STX2: variants seen among roughly 807,000 people sequenced by gnomAD.
STX2 encodes the protein syntaxin 2.
In STX2, 27 loss-of-function variants were observed where a neutral mutation model predicts 40.6. The observed-to-expected ratio is 0.66, with a 90% CI of 0.49 to 0.92. The LOEUF (loss-of-function observed/expected upper bound fraction) is 0.92, where lower values mean the gene tolerates loss of function less well. STX2 is among the 40% of genes least tolerant of loss of function. The pLI is 0.00. For missense variants in STX2, 328 were observed against 366.1 expected (o/e 0.90, Z 0.85); for synonymous variants, 123 against 119.1 (o/e 1.03, Z -0.22).
rs181122149 is a variant in STX2, at chr12:130,817,931, G to A, written c.205+3758C>T. On this transcript the variant is annotated intron_variant, in intron 3 of 10. Transcript: ENST00000392373. ...GAACCGCAAGGGCAGGAAGGCCTCG[G>A]GTGGGGTGGTCCCAGCCTGTGGTGG... 2.0e-3 allele frequency among the ~76,000 whole-genome samples: 299 copies of A among 151,910 alleles called. 1 individual carries two copies. Among genetic ancestry groups the A allele is most frequent in the African/African-American group, 7.1e-3 (293 of 41,386 alleles).
rs774009780 is a variant in STX2, at chr12:130,807,000, G to A, written c.445C>T (p.Gln149Ter). Residue 149 changes from glutamine to a stop codon, truncating the protein, a stop_gained, in exon 6 of 11, where the codon CAG (glutamine) becomes TAG (stop). Coordinates refer to ENST00000392373, the MANE Select transcript of STX2 (RefSeq NM_194356.4). LOFTEE classifies it high-confidence loss of function. ...TACTCACTTATCTCCAGCTGGCGCTGGATGCGGCCTTTGCTCCGCTCCCGA... is the reference window on the plus strand; with the variant it reads ...TACTCACTTATCTCCAGCTGGCGCTAGATGCGGCCTTTGCTCCGCTCCCGA... ...LFRERSKGRI[Q>*]RQLEITGRTT... is the part of the protein sequence containing the mutation. 3.1e-6 allele frequency: 5 copies of A among 1,614,072 alleles called. No homozygotes were observed. The Admixed American group carries it at 8.3e-5, about 27-fold the overall frequency.
rs1170698161 is a variant in STX2, at chr12:130,808,534, A to G, written c.354+97T>C. On this transcript the variant is annotated intron_variant, in intron 5 of 10. Coordinates refer to ENST00000392373, the MANE Select transcript of STX2 (RefSeq NM_194356.4). ...GTGCAGAAATACTATGAGGATAAGC[A>G]TGACAGTAAAGATGAAATTATTCAG... The G allele has an allele frequency of 8.5e-6, 9 of 1,052,840 alleles. No homozygotes were observed. In the Admixed American group the frequency reaches 1.5e-4, roughly 18 times the overall value. The allele number at this position is 1,052,840 out of a possible 1,614,324, so 65.2% of individuals were successfully genotyped here. A position where few individuals can be genotyped will look rare whatever the true frequency, so the allele number is the denominator to read the frequency against.
chr12:130,814,306 G>A (rs10773824), intron 3 of STX2, among the ~76,000 whole-genome samples: 85,924 of 152,022 alleles, frequency 0.57, 26,574 homozygotes, highest in East Asian at 0.87. Context: ...GCCACGCAGA[G>A]ACTAACAACG....
chr12:130,814,871 G>A (rs1322397381), intron 3 of STX2, among the ~76,000 whole-genome samples: 3 of 151,916 alleles, frequency 2.0e-5, no homozygotes, highest in Non-Finnish European at 4.4e-5. Context: ...TCCTGACCTC[G>A]AGATCCGCCC....
At chr12:130,826,293 C>T (rs1952302106) in intron 2 of STX2, among the ~76,000 whole-genome samples, 1 of 152,194 alleles carries the variant, frequency 6.6e-6, no homozygotes, top group Non-Finnish European at 1.5e-5. Flanking sequence ...CTGCCGGAAC[C>T]ACCACTTCCT....
rs1952351999 is a variant in STX2, at chr12:130,827,173, G to C, written c.105+20C>G. The C allele has an allele frequency of 6.2e-7, 1 of 1,605,840 alleles. No individual in the cohort carries two copies. On this transcript the variant is annotated intron_variant, in intron 2 of 10. Coordinates refer to ENST00000392373, the MANE Select transcript of STX2 (RefSeq NM_194356.4). Reference sequence around the variant, plus strand: ...GGACAGGTAGGCAGGCTATGATTGGGTTTCATTAAACGCTCTTACCTGATG... The same window carrying C: ...GGACAGGTAGGCAGGCTATGATTGGCTTTCATTAAACGCTCTTACCTGATG...
chr12:130,798,414 A>G lies in STX2; in HGVS notation c.786+111T>C. 7 of 587,024 alleles carry G rather than the reference A, an allele frequency of 1.2e-5. No individual in the cohort carries two copies. The South Asian group carries it at 2.4e-4, about 20-fold the overall frequency. The allele number at this position is 587,024 out of a possible 1,614,324, so 36.4% of individuals were successfully genotyped here. On this transcript the variant is annotated intron_variant, in intron 9 of 10. Coordinates refer to ENST00000392373, the MANE Select transcript of STX2 (RefSeq NM_194356.4). ...ATTTCCATTTTAAAATAAAACATTTATTAATTAATTATTTCTTGGAATACC... is the reference window on the plus strand; with the variant it reads ...ATTTCCATTTTAAAATAAAACATTTGTTAATTAATTATTTCTTGGAATACC...
intron 1 of STX2, among the ~76,000 whole-genome samples, chr12:130,836,185 T>C (rs563834756): frequency 6.6e-6 from 1 of 152,278 alleles, no homozygotes; most frequent in East Asian, 1.9e-4. Flanking sequence ...ATCTGGTAAC[T>C]TTAAGATGGG....
chr12:130,818,301 G>A (rs1024688719), intron 3 of STX2, among the ~76,000 whole-genome samples: 2 of 148,480 alleles, frequency 1.3e-5, no homozygotes, highest in Non-Finnish European at 3.0e-5. Context: ...AGCCCAGGAG[G>A]CTGAGCCTGC....
rs137928907 is a variant in STX2 at position 130,827,204 on chromosome 12, A to C, written c.94T>G (p.Phe32Val). 0.023 allele frequency: 37,144 copies of C among 1,613,208 alleles called. 558 individuals are homozygous for C. The highest frequency in any genetic ancestry group is 0.029 in the Non-Finnish European group (34,421 of 1,179,398). Reference sequence around the variant, plus strand: ...TTAAACGCTCTTACCTGATGGAAGAAATCATCCATGAAATGATCTTTCTCA... The same window carrying C: ...TTAAACGCTCTTACCTGATGGAAGACATCATCCATGAAATGATCTTTCTCA... ...VVEKDHFMDD[F>V]FHQVEEIRNS... Residue 32 changes from phenylalanine to valine, a missense_variant, in exon 2 of 11, where the codon TTC (phenylalanine) becomes GTC (valine). Phe to Val is a conservative substitution (Grantham distance 50). Coordinates refer to ENST00000392373, the MANE Select transcript of STX2 (RefSeq NM_194356.4).
intron 4 of STX2, 45 bp downstream of exon 4, chr12:130,812,912 C>T: frequency 1.6e-6 from 2 of 1,269,970 alleles, no homozygotes; most frequent in Non-Finnish European, 1.1e-6. Flanking sequence ...TAACAAATAC[C>T]CATACTCCCA....
intron 1 of STX2, among the ~76,000 whole-genome samples, chr12:130,834,868 ATCT>A (rs368072148): frequency 2.6e-4 from 39 of 152,346 alleles, no homozygotes; most frequent in Non-Finnish European, 4.0e-4. Flanking sequence ...AAGTTTTTTA[ATCT>A]TCTTATTTTA....
At chr12:130,832,676 G>C (rs923679115) in intron 1 of STX2, among the ~76,000 whole-genome samples, 1 of 152,172 alleles carries the variant, frequency 6.6e-6, no homozygotes, top group Non-Finnish European at 1.5e-5. Context: ...TGGGGGCGGG[G>C]GCAGCCCCTT....
chr12:130,839,167 G>GTT lies in STX2; in HGVS notation c.-69_-68insAA. 8.8e-7 allele frequency: 1 copy of GTT among 1,138,526 alleles called. No homozygotes were observed. The allele number at this position is 1,138,526 out of a possible 1,614,324, so 70.5% of individuals were successfully genotyped here. On this transcript the variant is annotated 5_prime_UTR_variant, in exon 1 of 11. Transcript: ENST00000392373. ...CGAGCTGCCTCCGGCCGGGCCTCGG[G>GTT]CTCTCCGGTCTCCGCCTCAGGCCCC...
Position 130,811,284 on chromosome 12 carries a change from G to C in STX2, c.280+1673C>G, listed in dbSNP as rs1265435352. ...GAGGCAGGAGAGTCGCTTGAGTCCA[G>C]GAGGTGGAGGTTGCAGTGAGCCGAG... On this transcript the variant is annotated intron_variant, in intron 4 of 10. Coordinates refer to ENST00000392373, the MANE Select transcript of STX2 (RefSeq NM_194356.4). Among the ~76,000 whole-genome samples the C allele has an allele frequency of 3.3e-5, 5 of 149,340 alleles. No homozygotes were observed. The East Asian group carries it at 1.0e-3, about 31-fold the overall frequency.
intron 3 of STX2, among the ~76,000 whole-genome samples, chr12:130,815,755 AG>A (rs1400781252): frequency 2.0e-5 from 3 of 152,172 alleles, no homozygotes; most frequent in African/African-American, 2.4e-5. Flanking sequence ...ACTTGTTTGT[AG>A]GGGGGCAAGC....
Position 130,792,200 on chromosome 12 carries a change from A to C in STX2, c.*46-223T>G, listed in dbSNP as rs192404218. Among the ~76,000 whole-genome samples, 621 of 152,206 alleles carry C rather than the reference A, an allele frequency of 4.1e-3. 4 individuals carry two copies. Among genetic ancestry groups the C allele is most frequent in the Non-Finnish European group, 6.0e-3 (405 of 67,996 alleles). Reference sequence around the variant, plus strand: ...CTCAGCCTCCCGAGTAGCTGGGACTACAGGAACCCGCCACCACGCCCAGCT... The same window carrying C: ...CTCAGCCTCCCGAGTAGCTGGGACTCCAGGAACCCGCCACCACGCCCAGCT... On this transcript the variant is annotated intron_variant, in intron 10 of 10. Coordinates refer to ENST00000392373, the MANE Select transcript of STX2 (RefSeq NM_194356.4).
chr12:130,825,527 G>A (rs1404640524), intron 2 of STX2, among the ~76,000 whole-genome samples: 1 of 152,220 alleles, frequency 6.6e-6, no homozygotes, highest in South Asian at 2.1e-4. Context: ...TTTCCAAGAA[G>A]TGAAATCAGG....
At chr12:130,818,185 A>AATATATATATATATATAT (rs1168152790) in intron 3 of STX2, among the ~76,000 whole-genome samples, 77 of 70,496 alleles carry the variant, frequency 1.1e-3, no homozygotes, top group African/African-American at 3.7e-3. Flanking sequence ...AAAAAAAAAA[A>AATATATATATATATATAT]ATATATATAT....
Sources: allele counts gnomAD v4.1 joint callset (sites outside exome capture counted in the v4.1 genomes callset), GRCh38; gene constraint gnomAD v4.1.1; transcripts MANE v1.5; gene names NCBI Gene and HGNC (gene_info 2026-07-23, HGNC 2026-07-21).